PCDH15: variants seen among roughly 807,000 people sequenced by gnomAD.
The protein encoded by PCDH15 is protocadherin-15.
In PCDH15, 129 loss-of-function variants were observed where a neutral mutation model predicts 178.5. That is an observed-to-expected ratio of 0.72 (90% CI 0.63 to 0.84). The LOEUF (loss-of-function observed/expected upper bound fraction) is 0.84. Among genes scored for constraint, PCDH15 ranks in the 40% least tolerant of loss-of-function variants. The pLI, the probability that PCDH15 is intolerant of heterozygous loss-of-function variation, is 0.00. For missense variants in PCDH15, 2,230 were observed against 2,099.9 expected (o/e 1.06, Z -1.21); for synonymous variants, 800 against 732.0 (o/e 1.09, Z -1.50).
intron 3 of PCDH15, among the ~76,000 whole-genome samples, chr10:54,434,111 A>C (rs1158976061): frequency 6.6e-6 from 1 of 152,234 alleles, no homozygotes; most frequent in Non-Finnish European, 1.5e-5. Flanking sequence ...TTATAGAACA[A>C]GGATATAAAG....
At chr10:53,826,626 AC>A (rs2076697130) in intron 32 of PCDH15, among the ~76,000 whole-genome samples, 1 of 152,122 alleles carries the variant, frequency 6.6e-6, no homozygotes, top group East Asian at 1.9e-4. Context: ...GACAAACTGA[AC>A]ATCACCATAA....
At chr10:54,702,657 G>A (rs1289196122) in intron 1 of PCDH15, among the ~76,000 whole-genome samples, 3 of 151,400 alleles carry the variant, frequency 2.0e-5, no homozygotes, top group African/African-American at 4.8e-5. Flanking sequence ...ATTGAACTAG[G>A]AAGAAATTGC....
chr10:54,869,760 C>T (rs1211586104), intron 3 of PCDH15, among the ~76,000 whole-genome samples: 1 of 152,130 alleles, frequency 6.6e-6, no homozygotes, highest in Non-Finnish European at 1.5e-5. Context: ...CAAGAGTGAT[C>T]CCAAAGTTCA....
chr10:54,786,929 T>A (rs1336912221), intron 1 of PCDH15, among the ~76,000 whole-genome samples: 1 of 151,790 alleles, frequency 6.6e-6, no homozygotes, highest in Non-Finnish European at 1.5e-5. Flanking sequence ...GCTAATTTCC[T>A]CAAAAGTTAA....
chr10:55,520,468 G>A (rs573761670), intron 2 of PCDH15, among the ~76,000 whole-genome samples: 26 of 146,398 alleles, frequency 1.8e-4, no homozygotes, highest in African/African-American at 5.0e-4. Flanking sequence ...TTAATTTACC[G>A]AATTATTTCA....
intron 5 of PCDH15, among the ~76,000 whole-genome samples, chr10:54,358,037 A>G (rs1041230709): frequency 2.7e-5 from 4 of 148,740 alleles, no homozygotes; most frequent in East Asian, 1.9e-4. Context: ...AGACTTAAAC[A>G]TTAGACCTTA....
chr10:54,518,755 C>T (rs2082504775), intron 3 of PCDH15, among the ~76,000 whole-genome samples: 3 of 151,994 alleles, frequency 2.0e-5, no homozygotes. Flanking sequence ...AGAGACGCAA[C>T]CAAAAAAGAG....
chr10:55,548,268 T>G (rs1264358957), intron 2 of PCDH15, among the ~76,000 whole-genome samples: 2 of 148,792 alleles, frequency 1.3e-5, no homozygotes, highest in African/African-American at 5.0e-5. Flanking sequence ...ATGATCCTAA[T>G]GAACAGTGTT....
chr10:55,403,380 A>G (rs911171669), intron 2 of PCDH15, among the ~76,000 whole-genome samples: 2 of 151,690 alleles, frequency 1.3e-5, no homozygotes, highest in Non-Finnish European at 2.9e-5. Flanking sequence ...AGTTTAATAT[A>G]GTACCATTTG....
At chr10:54,492,736 A>G (rs994270812) in intron 3 of PCDH15, among the ~76,000 whole-genome samples, 2 of 152,160 alleles carry the variant, frequency 1.3e-5, no homozygotes, top group African/African-American at 4.8e-5. Flanking sequence ...CTTTTATTAC[A>G]GTGTATTGTT....
intron 3 of PCDH15, among the ~76,000 whole-genome samples, chr10:54,411,571 AT>A (rs2135642171): frequency 6.6e-6 from 1 of 152,332 alleles, no homozygotes; most frequent in African/African-American, 2.4e-5. Context: ...ATTTTAAAGG[AT>A]TAAATGATAA....
At chr10:55,305,790 T>C (rs1218245608) in intron 1 of PCDH15, among the ~76,000 whole-genome samples, 1 of 152,162 alleles carries the variant, frequency 6.6e-6, no homozygotes, top group Non-Finnish European at 1.5e-5. Flanking sequence ...ACAGAATTTG[T>C]CAATGTCCAT....
chr10:54,208,353 T>C (rs1346324867), intron 10 of PCDH15, among the ~76,000 whole-genome samples: 1 of 152,076 alleles, frequency 6.6e-6, no homozygotes, highest in Admixed American at 6.6e-5. Flanking sequence ...TGGTGTGCAA[T>C]GGACTTAATA....
rs58866288 is a variant in PCDH15, at chr10:55,432,082, A to AAC, written c.-156+195541_-156+195542dup. On this transcript the variant is annotated intron_variant, in intron 2 of 5. Coordinates refer to the PCDH15 transcript ENST00000613346. Reference sequence around the variant, plus strand: ...TTGGGATAGGCAGAGCTATCATTTAAACACACACACACACACACACACACA... The same window carrying AAC: ...TTGGGATAGGCAGAGCTATCATTTAAACACACACACACACACACACACACACA... 4.6e-3 allele frequency among the ~76,000 whole-genome samples: 683 copies of AAC among 148,488 alleles called. 3 individuals are homozygous for AAC. Among genetic ancestry groups the AAC allele is most frequent in the South Asian group, 0.01 (47 of 4,640 alleles).
At chr10:54,395,554 T>C (rs1215437825) in intron 3 of PCDH15, among the ~76,000 whole-genome samples, 1 of 151,930 alleles carries the variant, frequency 6.6e-6, no homozygotes, top group Non-Finnish European at 1.5e-5. Flanking sequence ...TAGATATAAT[T>C]ATAATACGCA....
intron 2 of PCDH15, among the ~76,000 whole-genome samples, chr10:54,961,743 C>T (rs140946832): frequency 3.9e-4 from 60 of 152,230 alleles, no homozygotes; most frequent in African/African-American, 1.2e-3. Context: ...GGATGACCTG[C>T]CTGCAGAAAG....
intron 26 of PCDH15, among the ~76,000 whole-genome samples, chr10:53,902,451 T>C (rs2082394254): frequency 6.6e-6 from 1 of 152,140 alleles, no homozygotes; most frequent in Admixed American, 6.5e-5. Context: ...ATGTGCAATT[T>C]ACAGCTATTT....
At chr10:54,152,874 C>A (rs754137219) in intron 14 of PCDH15, among the ~76,000 whole-genome samples, 1 of 152,088 alleles carries the variant, frequency 6.6e-6, no homozygotes, top group Non-Finnish European at 1.5e-5. Context: ...CTGTCTGCAG[C>A]CTTACTTTTC....
intron 1 of PCDH15, among the ~76,000 whole-genome samples, chr10:54,679,452 G>A (rs1407099852): frequency 2.0e-5 from 3 of 152,048 alleles, no homozygotes; most frequent in Admixed American, 6.6e-5. Context: ...ATCATTCTTC[G>A]TGAAAACACA....
Sources: allele counts gnomAD v4.1 joint callset (sites outside exome capture counted in the v4.1 genomes callset), GRCh38; gene constraint gnomAD v4.1.1; transcripts MANE v1.5; gene names NCBI Gene and HGNC (gene_info 2026-07-23, HGNC 2026-07-21).